ZSWIM4: variants seen among roughly 807,000 people sequenced by gnomAD.
ZSWIM4 encodes zinc finger SWIM-type containing 4.
Under a neutral mutation model 102.5 loss-of-function variants are expected in ZSWIM4, and 62 were observed. The ratio of observed to expected loss-of-function variants is 0.60; its 90% CI spans 0.49 to 0.75. ZSWIM4 has a LOEUF of 0.75. Among genes scored for constraint, ZSWIM4 ranks in the 30% least tolerant of loss-of-function variants. ZSWIM4 has a pLI of 0.00. For missense variants in ZSWIM4, 1,280 were observed against 1,529.6 expected, an observed-to-expected ratio of 0.84 and a Z score of 2.72; for synonymous variants, 652 against 674.5, an observed-to-expected ratio of 0.97 and a Z score of 0.52.
chr19:13,809,160 C>T lies in ZSWIM4; in HGVS notation c.952C>T (p.Leu318=). ...GTTCCTGCAGGACACGCGCCTGGCC[C>T]TGTGGCGGCAGCAGGGCGCGGGCAT... The part of the protein sequence containing the change: ...EQFLQDTRLA[L]WRQQGAGMTD... The change falls in exon 5 of 14, where the codon CTG becomes TTG. Residue 318 remains leucine (L), a synonymous_variant. Coordinates refer to ENST00000590508, the MANE Select transcript of ZSWIM4 (RefSeq NM_001367834.3). The surrounding 1 kb of genome is among the most constrained non-coding windows in gnomAD (Gnocchi z 4.2). 1 of 1,613,496 alleles carries T rather than the reference C, an allele frequency of 6.2e-7. No individual in the cohort carries two copies. Among genetic ancestry groups the T allele is most frequent in the East Asian group, 2.2e-5 (1 of 44,876 alleles).
At chr19:13,820,548 T>C (rs1440348980) in intron 10 of ZSWIM4, among the ~76,000 whole-genome samples, 1 of 152,336 alleles carries the variant, frequency 6.6e-6, no homozygotes, top group East Asian at 1.9e-4. Flanking sequence ...ATGTGTAATA[T>C]TATTTTGAGT....
Position 13,795,749 on chromosome 19 carries a change from C to T in ZSWIM4, c.101C>T (p.Ala34Val), listed in dbSNP as rs1402829578. 1 of 1,232,336 alleles carries T rather than the reference C, an allele frequency of 8.1e-7. No individual in the cohort carries two copies. The highest frequency in any genetic ancestry group is 1.0e-6 in the Non-Finnish European group (1 of 987,218). The allele number at this position is 1,232,336 out of a possible 1,614,324, so 76.3% of individuals were successfully genotyped here. A position where few individuals can be genotyped will look rare whatever the true frequency, so the allele number is the denominator to read the frequency against. Residue 34 changes from alanine (A) to valine (V), a missense_variant, in exon 1 of 14, where the codon GCG (alanine) becomes GTG (valine). Ala to Val is a moderately conservative substitution (Grantham distance 64). Transcript: ENST00000590508. ...GAARGRGRPE[A>V]LLDLSAKRVA... ...GCGCGTGGCCGGGGCCGGCCCGAGG[C>T]GCTGCTGGACCTCAGCGCCAAGCGG...
At chr19:13,801,084 A>T (rs1974758284) in intron 2 of ZSWIM4, among the ~76,000 whole-genome samples, 1 of 151,790 alleles carries the variant, frequency 6.6e-6, no homozygotes. Flanking sequence ...TCGAGCCTGC[A>T]GTAAGCTATG....
At position 13,823,606 on chromosome 19, in the gene ZSWIM4, C is replaced by T. The variant is rs1975529311; in HGVS notation, c.2215+106C>T. 13 of 1,371,050 alleles carry T rather than the reference C, an allele frequency of 9.5e-6. No individual in the cohort carries two copies. The South Asian group carries it at 1.8e-4, about 19-fold the overall frequency. The allele number at this position is 1,371,050 out of a possible 1,614,324, so 84.9% of individuals were successfully genotyped here. On this transcript the variant is annotated intron_variant, in intron 11 of 13. Coordinates refer to ENST00000590508, the MANE Select transcript of ZSWIM4 (RefSeq NM_001367834.3). The stretch of plus-strand genomic sequence containing the variant: ...CCTCTTATCCTTTCACAAACTTCCC[C>T]CTGCATTCTTTGAGCACCTCCTATA...
In ZSWIM4 at chr19:13,795,675, C is replaced by T; in HGVS notation, c.27C>T (p.Ser9=). The part of the protein sequence containing the change: MEPPAAKR[S]RGCPAGPEER... The stretch of plus-strand genomic sequence containing the variant: ...TGGAACCCCCCGCGGCCAAGCGGAG[C>T]CGGGGCTGCCCCGCGGGACCCGAGG... Residue 9 remains serine (S), a synonymous_variant, in exon 1 of 14, where the codon AGC becomes AGT. Coordinates refer to ENST00000590508, the MANE Select transcript of ZSWIM4 (RefSeq NM_001367834.3). The T allele has an allele frequency of 1.0e-6, 1 of 996,490 alleles. No homozygotes were observed. The highest frequency in any genetic ancestry group is 1.3e-6 in the Non-Finnish European group (1 of 785,944). The allele number at this position is 996,490 out of a possible 1,614,324, so 61.7% of individuals were successfully genotyped here. A position where few individuals can be genotyped will look rare whatever the true frequency, so the allele number is the denominator to read the frequency against.
At position 13,822,047 on chromosome 19, in the gene ZSWIM4, T is replaced by A. The variant is rs113844333; in HGVS notation, c.2061-1299T>A. Among the ~76,000 whole-genome samples the A allele has an allele frequency of 3.2e-3, 493 of 152,084 alleles. 6 individuals carry two copies. Among genetic ancestry groups the A allele is most frequent in the East Asian group, 0.032 (165 of 5,168 alleles). On this transcript the variant is annotated intron_variant, in intron 10 of 13. Transcript: ENST00000590508. ...CACCACACCCGGCCTAGTTTAAAAA[T>A]TTTTTTTGTAATGATGGGATCTCAT...
rs372830793 is a variant in ZSWIM4, at chr19:13,804,205, C to A, written c.356-587C>A. ...CAAAAATTAGGCTGGGCACCGTGGC[C>A]CACGCCTGTAATCCCTGCACTTTGG... On this transcript the variant is annotated intron_variant, in intron 2 of 13. Transcript: ENST00000590508. Among the ~76,000 whole-genome samples, 42 of 151,952 alleles carry A rather than the reference C, an allele frequency of 2.8e-4. 1 individual carries two copies. In the South Asian group the frequency reaches 7.5e-3, roughly 27 times the overall value.
At chr19:13,805,208 T>TG in intron 3 of ZSWIM4, 60 bp downstream of exon 3, 3 of 1,420,612 alleles carry the variant, frequency 2.1e-6, no homozygotes, top group East Asian at 2.3e-5. Flanking sequence ...CCACGCCACT[T>TG]GCTGTGTGCC....
At position 13,805,117 on chromosome 19, in the gene ZSWIM4, C is replaced by T. The variant is rs201850699; in HGVS notation, c.681C>T (p.Leu227=). ...CTCAGCGCTTGGCTGATGAGATCCT[C>T]CTGCTGGGCTCCGAGATCAACTTGG... ...PTAQRLADEI[L]LLGSEINLVN... Residue 227 remains leucine, a synonymous_variant, in exon 3 of 14, where the codon CTC becomes CTT. Coordinates refer to ENST00000590508, the MANE Select transcript of ZSWIM4 (RefSeq NM_001367834.3). The T allele has an allele frequency of 1.9e-4, 297 of 1,600,088 alleles. 1 individual carries two copies. The East Asian group carries it at 4.0e-3, about 21-fold the overall frequency.
intron 2 of ZSWIM4, among the ~76,000 whole-genome samples, chr19:13,801,904 C>T (rs375919086): frequency 2.7e-5 from 4 of 150,662 alleles, no homozygotes; most frequent in South Asian, 2.1e-4. Flanking sequence ...CTCCTGACCT[C>T]GTGATCCACC....
Position 13,809,110 on chromosome 19 carries a change from G to T in ZSWIM4, c.902G>T (p.Arg301Leu), listed in dbSNP as rs764116230. 6.2e-7 allele frequency: 1 copy of T among 1,613,768 alleles called. No individual in the cohort carries two copies. The highest frequency in any genetic ancestry group is 8.5e-7 in the Non-Finnish European group (1 of 1,179,770). The change falls in exon 5 of 14, where the codon CGC becomes CTC. Residue 301 changes from arginine (R) to leucine (L), a missense_variant. By Grantham distance (102) the Arg-to-Leu change is moderately radical. Transcript: ENST00000590508. The surrounding 1 kb of genome is among the most constrained non-coding windows in gnomAD (Gnocchi z 4.2). ...MLRMRDSNGA[R>L]MLILMTEQFL... ...CGAATGCGGGACTCCAACGGGGCGC[G>T]CATGCTGATTCTCATGACCGAGCAG... is the stretch of plus-strand genomic sequence containing the variant.
intron 5 of ZSWIM4, among the ~76,000 whole-genome samples, chr19:13,811,048 G>A (rs1028495621): frequency 1.3e-5 from 2 of 151,152 alleles, no homozygotes; most frequent in Non-Finnish European, 2.9e-5. Context: ...CGAGTAGCTG[G>A]GATCACAGGC....
intron 11 of ZSWIM4, among the ~76,000 whole-genome samples, chr19:13,824,182 G>C (rs1975543781): frequency 6.6e-6 from 1 of 152,004 alleles, no homozygotes. Context: ...AGGAGAGACA[G>C]AGAGGAGAAG....
intron 7 of ZSWIM4, among the ~76,000 whole-genome samples, chr19:13,816,551 G>A (rs368206059): frequency 6.6e-6 from 1 of 152,082 alleles, no homozygotes; most frequent in African/African-American, 2.4e-5. Context: ...CCCTTGAACC[G>A]GGAGGTACCT....
chr19:13,802,459 A>G (rs1974799469), intron 2 of ZSWIM4, among the ~76,000 whole-genome samples: 1 of 151,668 alleles, frequency 6.6e-6, no homozygotes, highest in Non-Finnish European at 1.5e-5. Flanking sequence ...ACATGCCTGT[A>G]ATCCCAGCTA....
chr19:13,817,884 A>G lies in ZSWIM4; in HGVS notation c.1832A>G (p.Asn611Ser), dbSNP rs752912996. Residue 611 changes from asparagine to serine, a missense_variant, in exon 9 of 14, where the codon AAC becomes AGC. By Grantham distance (46) the Asn-to-Ser change is conservative (BLOSUM62 1). Transcript: ENST00000590508. ...GLYAQDKVVR[N>S]EEQLLALLEE... ...TACGCCCAGGACAAGGTGGTGCGCA[A>G]CGAGGAGCAGCTGCTGGCCCTGCTG... 2 of 1,551,390 alleles carry G rather than the reference A, an allele frequency of 1.3e-6. No individual in the cohort carries two copies. The highest frequency in any genetic ancestry group is 2.0e-5 in the Admixed American group (1 of 50,932).
rs376512042 is a variant in ZSWIM4 at position 13,805,003 on chromosome 19, C to T, written c.567C>T (p.Ser189=). 5.7e-5 allele frequency: 92 copies of T among 1,612,576 alleles called. No individual in the cohort carries two copies. Among genetic ancestry groups the T allele is most frequent in the East Asian group, 1.1e-4 (5 of 44,888 alleles). Residue 189 remains serine (S), a synonymous_variant, in exon 3 of 14, where the codon TCC becomes TCT. Transcript: ENST00000590508. The stretch of plus-strand genomic sequence containing the variant: ...AGGTGGAGCTGCGGCTGCCCATCTC[C>T]GAGACGCTCTCCCAGATGAACCGGG... ...AHQVELRLPI[S]ETLSQMNRDQ...
chr19:13,818,082 C>T, intron 9 of ZSWIM4, 106 bp downstream of exon 9: 1 of 1,413,816 alleles, frequency 7.1e-7, no homozygotes, highest in Non-Finnish European at 9.2e-7. Flanking sequence ...CCCAGCCCCG[C>T]CCCTAGCCCC....
At chr19:13,829,357 A>G (rs1304728768) in intron 13 of ZSWIM4, among the ~76,000 whole-genome samples, 1 of 152,130 alleles carries the variant, frequency 6.6e-6, no homozygotes, top group Non-Finnish European at 1.5e-5. Flanking sequence ...TTGGGAGGCC[A>G]AGGCATGTGG....
Sources: allele counts gnomAD v4.1 joint callset (sites outside exome capture counted in the v4.1 genomes callset), GRCh38; gene constraint gnomAD v4.1.1; non-coding constraint Gnocchi (gnomAD v3.1); transcripts MANE v1.5; gene names NCBI Gene and HGNC (gene_info 2026-07-23, HGNC 2026-07-21).